Variants in FTO observed in about 807,000 individuals in gnomAD.
FTO encodes the protein alpha-ketoglutarate-dependent dioxygenase FTO.
Under a neutral mutation model 63.9 loss-of-function variants are expected in FTO, and 47 were observed. The observed-to-expected ratio is 0.74, with a 90% CI of 0.58 to 0.94. FTO has a LOEUF of 0.94. Among genes scored for constraint, FTO ranks in the 40% least tolerant of loss-of-function variants. The pLI, the probability that FTO is intolerant of heterozygous loss-of-function variation, is 0.00. For missense variants in FTO, 562 were observed against 618.1 expected, an observed-to-expected ratio of 0.91 and a Z score of 0.96; for synonymous variants, 207 against 224.4, an observed-to-expected ratio of 0.92 and a Z score of 0.69.
At chr16:53,847,779 A>G (rs1397466311) in intron 4 of FTO, among the ~76,000 whole-genome samples, 4 of 152,092 alleles carry the variant, frequency 2.6e-5, no homozygotes, top group Admixed American at 2.6e-4. Flanking sequence ...AAAAAAAAAA[A>G]AAGCGCTGTA....
chr16:54,107,147 A>G (rs1427761092), intron 8 of FTO, among the ~76,000 whole-genome samples: 1 of 150,944 alleles, frequency 6.6e-6, no homozygotes, highest in Non-Finnish European at 1.5e-5. Context: ...TTTTATGTGT[A>G]TATACATATT....
chr16:53,774,722 G>A (rs1381955998), intron 1 of FTO, among the ~76,000 whole-genome samples: 2 of 152,122 alleles, frequency 1.3e-5, no homozygotes, highest in African/African-American at 4.8e-5. Context: ...CTCCAGAGAT[G>A]GGCTTCTGAA....
intron 3 of FTO, among the ~76,000 whole-genome samples, chr16:53,841,067 C>T (rs1440430632): frequency 1.3e-5 from 2 of 149,160 alleles, no homozygotes; most frequent in African/African-American, 2.5e-5. Flanking sequence ...TAAGAAGTGC[C>T]TGTAGAATGT....
At chr16:54,051,176 T>C (rs913879594) in intron 8 of FTO, among the ~76,000 whole-genome samples, 1 of 152,170 alleles carries the variant, frequency 6.6e-6, no homozygotes, top group Non-Finnish European at 1.5e-5. Context: ...TTTCTCCTCC[T>C]TCAAGGGAAA....
At chr16:53,810,298 A>T in intron 2 of FTO, 81 bp downstream of exon 2, 1 of 1,003,590 alleles carries the variant, frequency 1.0e-6, no homozygotes, top group Non-Finnish European at 1.6e-6. Context: ...GCTGGGCTAG[A>T]GAGGTTAAAT....
At chr16:53,952,803 G>T (rs528466949) in intron 8 of FTO, among the ~76,000 whole-genome samples, 1 of 152,312 alleles carries the variant, frequency 6.6e-6, no homozygotes, top group Non-Finnish European at 1.5e-5. Context: ...CATGTTTGAA[G>T]TTCTTCTGTG....
At chr16:53,928,989 G>T (rs1258871312) in intron 7 of FTO, among the ~76,000 whole-genome samples, 1 of 152,022 alleles carries the variant, frequency 6.6e-6, no homozygotes, top group Non-Finnish European at 1.5e-5. Context: ...GATTACAGAA[G>T]TATGCCACCA....
At chr16:54,075,804 A>T (rs1445714659) in intron 8 of FTO, among the ~76,000 whole-genome samples, 3 of 152,204 alleles carry the variant, frequency 2.0e-5, no homozygotes, top group African/African-American at 7.2e-5. Context: ...TCTTTACTGT[A>T]TGTGAAATTA....
chr16:54,002,080 T>C (rs1295631388), intron 8 of FTO, among the ~76,000 whole-genome samples: 4 of 152,240 alleles, frequency 2.6e-5, no homozygotes, highest in African/African-American at 9.6e-5. Context: ...GGAGAAGACA[T>C]TGACAGTGTC....
chr16:54,051,759 T>G (rs1410336815), intron 8 of FTO, among the ~76,000 whole-genome samples: 12 of 152,264 alleles, frequency 7.9e-5, no homozygotes, highest in African/African-American at 2.9e-4. Context: ...AAAATTATAT[T>G]TAAAAGGCAG....
At chr16:53,840,215 T>A (rs76531032) in intron 3 of FTO, among the ~76,000 whole-genome samples, 8,217 of 152,228 alleles carry the variant, frequency 0.054, 339 homozygotes, top group African/African-American at 0.12. Context: ...TTTTTTCTTG[T>A]GCTGTTTGCT....
chr16:53,926,710 G>A (rs532564128), intron 7 of FTO, among the ~76,000 whole-genome samples: 3 of 152,276 alleles, frequency 2.0e-5, no homozygotes, highest in East Asian at 1.9e-4. Context: ...GGTACAAATC[G>A]AAGTATAGTA....
At chr16:54,004,424 C>T (rs9925908) in intron 8 of FTO, among the ~76,000 whole-genome samples, 36,030 of 150,818 alleles carry the variant, frequency 0.24, 5,002 homozygotes, top group African/African-American at 0.36. Context: ...AAATAAATGT[C>T]GTGGTTTTTT....
At chr16:53,820,954 A>C (rs1765721995) in intron 2 of FTO, among the ~76,000 whole-genome samples, 1 of 152,148 alleles carries the variant, frequency 6.6e-6, no homozygotes, top group South Asian at 2.1e-4. Context: ...TGAGTGGGAA[A>C]AAAATGGAAT....
At chr16:54,085,694 A>G (rs2086241594) in intron 8 of FTO, among the ~76,000 whole-genome samples, 1 of 152,220 alleles carries the variant, frequency 6.6e-6, no homozygotes, top group Non-Finnish European at 1.5e-5. Flanking sequence ...ATATATAAAC[A>G]TAGTGATGAC....
chr16:53,843,936 C>T (rs971996859), intron 3 of FTO, among the ~76,000 whole-genome samples: 7 of 151,456 alleles, frequency 4.6e-5, no homozygotes, highest in Non-Finnish European at 3.0e-5. Flanking sequence ...AGGCGTGAGC[C>T]TCTACACCTG....
intron 1 of FTO, among the ~76,000 whole-genome samples, chr16:53,746,098 G>A (rs1035235653): frequency 2.6e-5 from 4 of 152,190 alleles, no homozygotes; most frequent in African/African-American, 9.7e-5. Flanking sequence ...TTCCTCTAGA[G>A]GAGTGTAATC....
intron 1 of FTO, among the ~76,000 whole-genome samples, chr16:53,733,246 C>A (rs146191472): frequency 8.6e-5 from 13 of 151,944 alleles, no homozygotes; most frequent in Non-Finnish European, 1.3e-4. Context: ...ACTAAAGATA[C>A]GAAAAATTAG....
chr16:54,004,319 G>A (rs2144020760), intron 8 of FTO, among the ~76,000 whole-genome samples: 1 of 152,166 alleles, frequency 6.6e-6, no homozygotes, highest in South Asian at 2.1e-4. Flanking sequence ...TTGGGCCTGG[G>A]AGTTCCAGAC....
Sources: allele counts gnomAD v4.1 joint callset (sites outside exome capture counted in the v4.1 genomes callset), GRCh38; gene constraint gnomAD v4.1.1; transcripts MANE v1.5; gene names NCBI Gene and HGNC (gene_info 2026-07-23, HGNC 2026-07-21).